The following PFKFB3 variants were observed in gnomAD, a reference collection of about 807,000 sequenced individuals.
PFKFB3 encodes 6-phosphofructo-2-kinase/fructose-2,6-biphosphatase 3.
PFKFB3 carries 33 observed loss-of-function variants against 68.0 expected under a neutral mutation model. That is an observed-to-expected ratio of 0.49 (90% CI 0.37 to 0.65). The LOEUF (loss-of-function observed/expected upper bound fraction) is 0.65. Ranked by LOEUF, PFKFB3 falls within the 30% of genes least tolerant of loss-of-function variation. PFKFB3 has a pLI of 0.00. For missense variants in PFKFB3, 586 were observed against 712.2 expected (o/e 0.82, Z 2.02); for synonymous variants, 315 against 288.2 (o/e 1.09, Z -0.94).
chr10:6,263,875 G>A, the PFKFB3 span, among the ~76,000 whole-genome samples: 1 of 152,188 alleles, frequency 6.6e-6, no homozygotes, highest in African/African-American at 2.4e-5. Context: ...TAGTAGAGAT[G>A]AAGTTTTGCC....
At chr10:6,165,775 T>C (rs1049794190) in intron 1 of PFKFB3, among the ~76,000 whole-genome samples, 4 of 152,130 alleles carry the variant, frequency 2.6e-5, no homozygotes, top group Admixed American at 2.0e-4. Flanking sequence ...ATCACCTAGG[T>C]ATAAGCCTAG....
intron 1 of PFKFB3, among the ~76,000 whole-genome samples, chr10:6,210,332 C>CTTTGTTTTT (rs1564623103): frequency 4.8e-5 from 3 of 61,968 alleles, no homozygotes; most frequent in African/African-American, 1.1e-4. Flanking sequence ...GCGCCCCTCT[C>CTTTGTTTTT]TTTGTTTTTT....
the PFKFB3 span, among the ~76,000 whole-genome samples, chr10:6,306,757 G>A: frequency 1.3e-5 from 2 of 152,182 alleles, no homozygotes; most frequent in African/African-American, 4.8e-5. Context: ...AGGTCTCAGG[G>A]ACCTGCCAAA....
chr10:6,224,096 C>T (rs767260056), intron 12 of PFKFB3, 53 bp from the exon 13 acceptor site: 270 of 1,609,806 alleles, frequency 1.7e-4, no homozygotes, highest in Non-Finnish European at 2.1e-4. Context: ...GGGCTGTAAG[C>T]GGTGCTGTCC....
In PFKFB3 at chr10:6,234,474, C is replaced by T. The variant is rs1047884107; in HGVS notation, c.*1532C>T. The T allele has an allele frequency of 6.6e-6, 1 of 152,262 alleles. No homozygotes were observed. The highest frequency in any genetic ancestry group is 6.6e-5 in the Admixed American group (1 of 15,266). The allele number at this position is 152,262 out of a possible 1,614,324, so 9.4% of individuals were successfully genotyped here. A position where few individuals can be genotyped will look rare whatever the true frequency, so the allele number is the denominator to read the frequency against. The stretch of plus-strand genomic sequence containing the variant: ...CTGAGGCTGTGCTTCAGGTATGGTA[C>T]AATCAAGTGGGGGATTTTCATGCTG... On this transcript the variant is annotated 3_prime_UTR_variant, in exon 15 of 15. Coordinates refer to ENST00000379775, the MANE Select transcript of PFKFB3 (RefSeq NM_004566.4).
At chr10:6,213,209 C>T (rs1844345238) in intron 1 of PFKFB3, among the ~76,000 whole-genome samples, 2 of 152,114 alleles carry the variant, frequency 1.3e-5, no homozygotes, top group South Asian at 2.1e-4. Flanking sequence ...GGTACAATGC[C>T]AGGGGCTTCA....
At chr10:6,200,686 T>TGGGGGGGGGGGGG (rs1564613520), upstream of PFKFB3, among the ~76,000 whole-genome samples, 1 of 4,982 alleles carries the variant, frequency 2.0e-4, no homozygotes, top group Non-Finnish European at 5.2e-4. Flanking sequence ...CGGGGGGTGG[T>TGGGGGGGGGGGGG]GGTGGGGCGG....
chr10:6,284,773 A>G, the PFKFB3 span, among the ~76,000 whole-genome samples: 1 of 151,960 alleles, frequency 6.6e-6, no homozygotes. Context: ...GGTAGCCTCT[A>G]TGTTACATTC....
intron 10 of PFKFB3, among the ~76,000 whole-genome samples, chr10:6,222,413 G>C (rs1845026984): frequency 6.6e-6 from 1 of 152,230 alleles, no homozygotes; most frequent in Non-Finnish European, 1.5e-5. Flanking sequence ...GTGCATGTTA[G>C]TGTACTCACA....
chr10:6,193,262 G>C (rs1843082064), intron 1 of PFKFB3, among the ~76,000 whole-genome samples: 1 of 152,160 alleles, frequency 6.6e-6, no homozygotes. Context: ...GAAGTGGGAG[G>C]ACAGTTTGAG....
intron 1 of PFKFB3, among the ~76,000 whole-genome samples, chr10:6,160,718 CAAAAAAAAAAA>C (rs538580465): frequency 2.5e-5 from 2 of 78,684 alleles, no homozygotes; most frequent in East Asian, 3.6e-4. Context: ...GACTCTGTCT[CAAAAAAAAAAA>C]AAAAAAAAAA....
At chr10:6,316,714 G>A in the PFKFB3 span, among the ~76,000 whole-genome samples, 1 of 152,224 alleles carries the variant, frequency 6.6e-6, no homozygotes, top group East Asian at 1.9e-4. Context: ...CTGACCTCAA[G>A]TGACTCCCAA....
intron 1 of PFKFB3, among the ~76,000 whole-genome samples, chr10:6,161,412 G>T (rs1841965304): frequency 1.3e-5 from 2 of 152,090 alleles, no homozygotes; most frequent in East Asian, 3.8e-4. Flanking sequence ...AAAGTTATCT[G>T]TGGAGGGATC....
chr10:6,313,642 G>T, the PFKFB3 span, among the ~76,000 whole-genome samples: 1 of 152,084 alleles, frequency 6.6e-6, no homozygotes. The surrounding 1 kb of genome is among the most constrained non-coding windows in gnomAD (Gnocchi z 4.2). Flanking sequence ...CTGTGCTGCG[G>T]TTTCATGATT....
downstream of PFKFB3, among the ~76,000 whole-genome samples, chr10:6,238,279 C>G (rs1215744923): frequency 6.6e-6 from 1 of 152,016 alleles, no homozygotes; most frequent in Non-Finnish European, 1.5e-5. Flanking sequence ...ATCCTCCTGC[C>G]TCAGCCTCCT....
At chr10:6,303,798 T>TAAA in the PFKFB3 span, among the ~76,000 whole-genome samples, 1 of 120,726 alleles carries the variant, frequency 8.3e-6, no homozygotes, top group African/African-American at 3.2e-5. Flanking sequence ...AGAGTCCATC[T>TAAA]AAAAAAAAAA....
At position 6,203,555 on chromosome 10, in the gene PFKFB3, G is replaced by C. The variant is rs370273083; in HGVS notation, c.76+219G>C. Among the ~76,000 whole-genome samples the C allele has an allele frequency of 2.7e-4, 41 of 151,096 alleles. 1 individual carries two copies. The East Asian group carries it at 5.1e-3, about 19-fold the overall frequency. The stretch of plus-strand genomic sequence containing the variant: ...TGCCCCGCCGGCCCGGAAACGGCGA[G>C]TGCGCCCGGCCGGGCTGCGTACCCC... On this transcript the variant is annotated intron_variant, in intron 1 of 14. Coordinates refer to ENST00000379775, the MANE Select transcript of PFKFB3 (RefSeq NM_004566.4).
chr10:6,277,780 C>G, the PFKFB3 span: 1 of 425,886 alleles, frequency 2.3e-6, no homozygotes, highest in Non-Finnish European at 4.8e-6. Context: ...AATGAAACCT[C>G]TTTTCTTCAT....
At position 6,223,123 on chromosome 10, in the gene PFKFB3, G is replaced by A. The variant is rs562487951; in HGVS notation, c.1213+139G>A. ...GTGTTAGGAGAAGGGCACAGGTGTC[G>A]GCTCCCGGCTGCTTCAGGTCCTCTC... is the stretch of plus-strand genomic sequence containing the variant. On this transcript the variant is annotated intron_variant, in intron 11 of 14. Transcript: ENST00000379775. 66 of 796,760 alleles carry A rather than the reference G, an allele frequency of 8.3e-5. 1 individual carries two copies. Among genetic ancestry groups the A allele is most frequent in the African/African-American group, 1.2e-4 (7 of 56,992 alleles). The allele number at this position is 796,760 out of a possible 1,614,324, so 49.4% of individuals were successfully genotyped here.
Sources: allele counts gnomAD v4.1 joint callset (sites outside exome capture counted in the v4.1 genomes callset), GRCh38; gene constraint gnomAD v4.1.1; non-coding constraint Gnocchi (gnomAD v3.1); transcripts MANE v1.5; gene names NCBI Gene and HGNC (gene_info 2026-07-23, HGNC 2026-07-21).